SYCP1: variants seen among roughly 807,000 people sequenced by gnomAD.
SYCP1 encodes the protein synaptonemal complex protein 1.
Under a neutral mutation model 153.1 loss-of-function variants are expected in SYCP1, and 64 were observed. That is an observed-to-expected ratio of 0.42 (90% CI 0.34 to 0.51). The LOEUF is 0.51. Among genes scored for constraint, SYCP1 ranks in the 20% least tolerant of loss-of-function variants. The pLI, the probability that SYCP1 is intolerant of heterozygous loss-of-function variation, is 0.06. For missense variants in SYCP1, 997 were observed against 1,049.0 expected (o/e 0.95, Z 0.68); for synonymous variants, 384 against 341.8 (o/e 1.12, Z -1.36).
intron 27 of SYCP1, among the ~76,000 whole-genome samples, chr1:114,951,591 T>G (rs1671108900): frequency 6.6e-6 from 1 of 152,164 alleles, no homozygotes; most frequent in Non-Finnish European, 1.5e-5. Context: ...ATTAAGCTTT[T>G]TATTTTGAGA....
intron 27 of SYCP1, among the ~76,000 whole-genome samples, chr1:114,969,957 GCC>G (rs1672374139): frequency 6.6e-6 from 1 of 152,048 alleles, no homozygotes. Context: ...GCTTCTGCTC[GCC>G]CTCTGTGGGC....
intron 10 of SYCP1, 89 bp from the exon 11 acceptor site, chr1:114,876,648 G>A (rs1168320232): frequency 1.7e-6 from 1 of 594,480 alleles, no homozygotes; most frequent in East Asian, 3.9e-5. Flanking sequence ...GATAAATAAA[G>A]AGGTGAAATA....
chr1:114,964,629 G>A (rs150495288), intron 27 of SYCP1, among the ~76,000 whole-genome samples: 453 of 152,244 alleles, frequency 3.0e-3, no homozygotes, highest in Non-Finnish European at 5.3e-3. Context: ...TTATTAAATA[G>A]GGAATCCTTT....
At chr1:114,963,653 T>C (rs920072116) in intron 27 of SYCP1, among the ~76,000 whole-genome samples, 1 of 152,188 alleles carries the variant, frequency 6.6e-6, no homozygotes, top group Non-Finnish European at 1.5e-5. Context: ...GTTAGTTTGC[T>C]GAGAATGATG....
intron 23 of SYCP1, among the ~76,000 whole-genome samples, chr1:114,937,428 A>C (rs558292276): frequency 1.6e-4 from 24 of 152,344 alleles, no homozygotes; most frequent in Non-Finnish European, 1.5e-5. Flanking sequence ...GTTAGACCTA[A>C]AATCATAAAA....
chr1:114,863,796 A>G (rs1043378817), intron 8 of SYCP1, among the ~76,000 whole-genome samples: 4 of 151,824 alleles, frequency 2.6e-5, no homozygotes, highest in Non-Finnish European at 5.9e-5. Context: ...TTTTTTCTGT[A>G]AAAGAATGAG....
At chr1:114,981,552 A>C (rs1673155313) in intron 29 of SYCP1, 40 bp downstream of exon 29, 1 of 1,505,836 alleles carries the variant, frequency 6.6e-7, no homozygotes, top group Non-Finnish European at 9.0e-7. Context: ...TAATTTTTTA[A>C]ATAAATAAAT....
At chr1:114,887,735 CTTA>C in intron 15 of SYCP1, 42 bp downstream of exon 15, 2 of 1,220,800 alleles carry the variant, frequency 1.6e-6, no homozygotes, top group Non-Finnish European at 2.2e-6. Flanking sequence ...ATAATATTAA[CTTA>C]TTATAGAATC....
At chr1:114,990,429 C>T (rs1229338745) in intron 30 of SYCP1, among the ~76,000 whole-genome samples, 13 of 151,002 alleles carry the variant, frequency 8.6e-5, no homozygotes, top group Admixed American at 8.6e-4. Context: ...TAGTAAAGAA[C>T]TAGAAAAAAA....
At chr1:114,876,211 G>A (rs1665521543) in intron 10 of SYCP1, 73 bp downstream of exon 10, 4 of 1,017,102 alleles carry the variant, frequency 3.9e-6, no homozygotes, top group South Asian at 2.1e-5. Flanking sequence ...TTCCGTTAAT[G>A]TCTTCATCTC....
At position 114,881,527 on chromosome 1, in the gene SYCP1, CCTTCCTTCCTTCCTTT is replaced by C. The variant is rs1665935734; in HGVS notation, c.910+3329_910+3344del. 2.6e-5 allele frequency among the ~76,000 whole-genome samples: 4 copies of C among 151,526 alleles called. 1 individual carries two copies. In the South Asian group the frequency reaches 8.4e-4, roughly 32 times the overall value. ...TCCTTCCTTCCTTCCTTCCTTCCTT[CCTTCCTTCCTTCCTTT>C]CTTGATGGAGTCTCGCTCTGTTGCC... On this transcript the variant is annotated intron_variant, in intron 12 of 31. Coordinates refer to ENST00000369522, the MANE Select transcript of SYCP1 (RefSeq NM_003176.4).
intron 15 of SYCP1, among the ~76,000 whole-genome samples, chr1:114,894,596 G>A (rs1666933753): frequency 6.6e-6 from 1 of 152,038 alleles, no homozygotes; most frequent in Non-Finnish European, 1.5e-5. Flanking sequence ...TATTTTTTAG[G>A]ATGGCAAGAA....
intron 30 of SYCP1, among the ~76,000 whole-genome samples, chr1:114,988,080 CAAAA>C (rs34553973): frequency 8.7e-6 from 1 of 114,642 alleles, no homozygotes; most frequent in African/African-American, 3.9e-5. Flanking sequence ...TGATAAACGG[CAAAA>C]AAAAAAAAAA....
chr1:114,923,677 T>G, intron 21 of SYCP1, 147 bp downstream of exon 21: 2 of 753,780 alleles, frequency 2.7e-6, no homozygotes, highest in Non-Finnish European at 3.7e-6. Context: ...CTTAAATATC[T>G]AGGAAAGGTT....
chr1:114,856,191 G>A (rs1259923619), intron 2 of SYCP1, among the ~76,000 whole-genome samples: 1 of 152,126 alleles, frequency 6.6e-6, no homozygotes, highest in Non-Finnish European at 1.5e-5. Flanking sequence ...TCTTGTGGCT[G>A]CTATAGGCAA....
intron 3 of SYCP1, 65 bp from the exon 4 acceptor site, chr1:114,857,167 G>GAAAAAAAAAAAAA: frequency 1.8e-6 from 1 of 558,548 alleles, no homozygotes. Context: ...AGAGAAAAAA[G>GAAAAAAAAAAAAA]AAAAAAAAAA....
rs551312766 is a variant in SYCP1, at chr1:114,970,383, A to G, written c.2323-7174A>G. On this transcript the variant is annotated intron_variant, in intron 27 of 31. Coordinates refer to ENST00000369522, the MANE Select transcript of SYCP1 (RefSeq NM_003176.4). The stretch of plus-strand genomic sequence containing the variant: ...CTCTGGTGCCTCCTTGAGTAGCTTA[A>G]TAATCGACCTTCTGAATTCTTTTTC... Among the ~76,000 whole-genome samples the G allele has an allele frequency of 7.2e-5, 11 of 152,164 alleles. No homozygotes were observed. In the East Asian group the frequency reaches 1.9e-3, roughly 27 times the overall value.
chr1:114,858,084 G>A (rs1326967164), intron 5 of SYCP1, among the ~76,000 whole-genome samples: 1 of 151,920 alleles, frequency 6.6e-6, no homozygotes, highest in Non-Finnish European at 1.5e-5. Context: ...TAAAAAGGCA[G>A]GAAATCTATA....
At chr1:114,981,808 A>G (rs1461449100) in intron 29 of SYCP1, among the ~76,000 whole-genome samples, 1 of 151,900 alleles carries the variant, frequency 6.6e-6, no homozygotes, top group African/African-American at 2.4e-5. Context: ...TTTTTCGATC[A>G]CTGTCCACAA....
Sources: allele counts gnomAD v4.1 joint callset (sites outside exome capture counted in the v4.1 genomes callset), GRCh38; gene constraint gnomAD v4.1.1; transcripts MANE v1.5; gene names NCBI Gene and HGNC (gene_info 2026-07-23, HGNC 2026-07-21).